RABGAP1: variants seen among roughly 807,000 people sequenced by gnomAD.
RABGAP1 encodes RAB GTPase activating protein 1, also known as rab GTPase-activating protein 1.
RABGAP1 carries 23 observed loss-of-function variants against 137.6 expected under a neutral mutation model. The observed-to-expected ratio is 0.17, with a 90% CI of 0.12 to 0.24. The LOEUF is 0.24. Ranked by LOEUF, RABGAP1 falls within the 10% of genes least tolerant of loss-of-function variation. The pLI, the probability that RABGAP1 is intolerant of heterozygous loss-of-function variation, is 1.00. For missense variants in RABGAP1, 906 were observed against 1,275.8 expected (o/e 0.71, Z 4.42); for synonymous variants, 451 against 450.7 (o/e 1.00, Z -0.01).
chr9:122,984,943 G>C (rs886932966), intron 3 of RABGAP1, among the ~76,000 whole-genome samples: 1 of 151,278 alleles, frequency 6.6e-6, no homozygotes, highest in Admixed American at 6.6e-5. Flanking sequence ...TTGTACCAAG[G>C]AAAGAGAAAA....
intron 13 of RABGAP1, among the ~76,000 whole-genome samples, chr9:123,039,031 G>A (rs2032816629): frequency 6.6e-6 from 1 of 152,160 alleles, no homozygotes; most frequent in South Asian, 2.1e-4. Flanking sequence ...GCTTGCGTTA[G>A]ATAATAGATG....
At chr9:123,029,009 G>A (rs1346944769) in intron 13 of RABGAP1, among the ~76,000 whole-genome samples, 1 of 152,156 alleles carries the variant, frequency 6.6e-6, no homozygotes, top group African/African-American at 2.4e-5. Flanking sequence ...AGATCACTCT[G>A]TTACTTGGGC....
intron 13 of RABGAP1, 28 bp from the exon 14 acceptor site, chr9:123,065,320 A>C: frequency 6.7e-7 from 1 of 1,495,580 alleles, no homozygotes; most frequent in Non-Finnish European, 9.3e-7. Flanking sequence ...AACCTAACTA[A>C]ACCCTCTCTT....
At chr9:123,085,051 C>G (rs950390477) in intron 19 of RABGAP1, among the ~76,000 whole-genome samples, 1 of 152,204 alleles carries the variant, frequency 6.6e-6, no homozygotes. Flanking sequence ...AGGGGCTGAT[C>G]AGAGACCAGC....
intron 25 of RABGAP1, among the ~76,000 whole-genome samples, chr9:123,102,867 T>C (rs1220213383): frequency 6.6e-6 from 1 of 152,042 alleles, no homozygotes; most frequent in Non-Finnish European, 1.5e-5. Flanking sequence ...ACATAGCAAG[T>C]AGAAGACTGT....
In RABGAP1 at chr9:122,989,561, C is replaced by T. The variant is rs1389818596; in HGVS notation, c.765+90C>T. The T allele has an allele frequency of 6.7e-6, 9 of 1,334,826 alleles. 1 individual carries two copies. Among genetic ancestry groups the T allele is most frequent in the Non-Finnish European group, 6.3e-6 (6 of 951,336 alleles). 82.7% of individuals were successfully genotyped at this position (1,334,826 alleles called of 1,614,324 possible). The stretch of plus-strand genomic sequence containing the variant: ...GATTATGGTATTTATTATGATCACT[C>T]ATAAGCCAGATGAAATTCTCTGCTA... On this transcript the variant is annotated intron_variant, in intron 5 of 25. Coordinates refer to ENST00000373647, the MANE Select transcript of RABGAP1 (RefSeq NM_012197.4).
At chr9:123,040,723 A>T (rs2032912694) in intron 13 of RABGAP1, among the ~76,000 whole-genome samples, 1 of 152,154 alleles carries the variant, frequency 6.6e-6, no homozygotes, top group African/African-American at 2.4e-5. Context: ...GGAGCCGCTC[A>T]TCTTAGTTTT....
intron 2 of RABGAP1, among the ~76,000 whole-genome samples, chr9:122,969,218 G>T (rs1046259510): frequency 1.3e-5 from 2 of 152,224 alleles, no homozygotes; most frequent in African/African-American, 4.8e-5. Flanking sequence ...ATGCTATACA[G>T]GTTTGTAGCC....
At chr9:123,007,336 A>G (rs567328840) in intron 10 of RABGAP1, among the ~76,000 whole-genome samples, 1 of 149,706 alleles carries the variant, frequency 6.7e-6, no homozygotes, top group Non-Finnish European at 1.5e-5. Flanking sequence ...AGGCCTCCCA[A>G]ATTGCTGGGA....
chr9:123,027,738 A>AT (rs2032062386), intron 13 of RABGAP1, among the ~76,000 whole-genome samples: 2 of 152,046 alleles, frequency 1.3e-5, no homozygotes, highest in Non-Finnish European at 2.9e-5. Flanking sequence ...TAGTCTGTTG[A>AT]TTTTTCCTTA....
intron 13 of RABGAP1, among the ~76,000 whole-genome samples, chr9:123,028,790 T>C (rs1250967266): frequency 6.6e-6 from 1 of 152,208 alleles, no homozygotes; most frequent in Non-Finnish European, 1.5e-5. Context: ...ATTCAGATCC[T>C]AGTTCTGCTG....
chr9:122,968,449 G>A (rs900753769), intron 2 of RABGAP1, among the ~76,000 whole-genome samples: 6 of 151,818 alleles, frequency 4.0e-5, no homozygotes, highest in African/African-American at 9.7e-5. Context: ...TACTGAATTC[G>A]TGGCCTCAAG....
intron 3 of RABGAP1, among the ~76,000 whole-genome samples, 174 bp from the exon 4 acceptor site, chr9:122,986,041 A>T (rs1588216277): frequency 1.3e-5 from 2 of 152,306 alleles, no homozygotes; most frequent in East Asian, 3.9e-4. Flanking sequence ...TTTCTGACAG[A>T]GTTCTAGTGT....
intron 17 of RABGAP1, among the ~76,000 whole-genome samples, chr9:123,075,948 C>G (rs183153721): frequency 2.0e-5 from 3 of 152,266 alleles, no homozygotes; most frequent in Admixed American, 2.0e-4. Flanking sequence ...CCTGAGAGAT[C>G]ACAACTTTAT....
At chr9:122,980,603 T>C (rs1835992868) in intron 2 of RABGAP1, among the ~76,000 whole-genome samples, 1 of 152,200 alleles carries the variant, frequency 6.6e-6, no homozygotes, top group Non-Finnish European at 1.5e-5. Flanking sequence ...GCTAAAATTA[T>C]GTTATATGGT....
At chr9:123,005,298 TTC>T (rs1307451170) in intron 10 of RABGAP1, among the ~76,000 whole-genome samples, 4 of 149,870 alleles carry the variant, frequency 2.7e-5, no homozygotes, top group Admixed American at 6.6e-5. Flanking sequence ...ATTTTTTTTT[TTC>T]CTTTTTTTTT....
chr9:122,989,512 C>T (rs1266302023), intron 5 of RABGAP1, 41 bp downstream of exon 5: 2 of 1,570,170 alleles, frequency 1.3e-6, no homozygotes, highest in Admixed American at 1.7e-5. Flanking sequence ...TGAAACTTCA[C>T]CAGTGCCCTC....
At chr9:123,032,518 A>G (rs956038934) in intron 13 of RABGAP1, among the ~76,000 whole-genome samples, 2 of 152,194 alleles carry the variant, frequency 1.3e-5, no homozygotes, top group Non-Finnish European at 2.9e-5. Context: ...TTCAGATTTA[A>G]AATGTAATTC....
chr9:123,015,461 A>C (rs760842374), intron 11 of RABGAP1, 82 bp from the exon 12 acceptor site: 2 of 846,836 alleles, frequency 2.4e-6, no homozygotes, highest in African/African-American at 1.7e-5. Context: ...AAGTCTTTCA[A>C]ATTTGACTCT....
Sources: allele counts gnomAD v4.1 joint callset (sites outside exome capture counted in the v4.1 genomes callset), GRCh38; gene constraint gnomAD v4.1.1; transcripts MANE v1.5; gene names NCBI Gene and HGNC (gene_info 2026-07-23, HGNC 2026-07-21).